HDAC1: variants seen among roughly 807,000 people sequenced by gnomAD.
HDAC1 encodes the protein protein deacetylase HDAC1.
Under a neutral mutation model 65.5 loss-of-function variants are expected in HDAC1, and 18 were observed. That is an observed-to-expected ratio of 0.27 (90% confidence interval 0.19 to 0.41). The LOEUF is 0.41. Among genes scored for constraint, HDAC1 ranks in the 10% least tolerant of loss-of-function variants. The pLI, the probability that HDAC1 is intolerant of heterozygous loss-of-function variation, is 1.00. For synonymous variants in HDAC1, 211 were observed against 227.9 expected (o/e 0.93, Z 0.67); for missense variants, 373 against 625.2 (o/e 0.60, Z 4.30).
At chr1:32,323,378 C>A (rs1454147002) in intron 3 of HDAC1, among the ~76,000 whole-genome samples, 1 of 151,886 alleles carries the variant, frequency 6.6e-6, no homozygotes, top group Non-Finnish European at 1.5e-5. Context: ...CCTCTCTGAA[C>A]CTGTTTCCCT....
intron 2 of HDAC1, among the ~76,000 whole-genome samples, chr1:32,312,596 A>T (rs1213790564): frequency 1.3e-5 from 2 of 152,078 alleles, no homozygotes; most frequent in Non-Finnish European, 2.9e-5. Context: ...CCTGACTTCA[A>T]GTGATCTGCC....
At chr1:32,321,089 G>A (rs1641136351) in intron 3 of HDAC1, among the ~76,000 whole-genome samples, 3 of 147,914 alleles carry the variant, frequency 2.0e-5, no homozygotes, top group Admixed American at 2.0e-4. Flanking sequence ...AAATTAGCCG[G>A]GTGTGGTGGT....
intron 1 of HDAC1, among the ~76,000 whole-genome samples, chr1:32,298,617 A>G (rs954402873): frequency 1.3e-5 from 2 of 152,248 alleles, no homozygotes; most frequent in African/African-American, 4.8e-5. Flanking sequence ...ATATCAGGCA[A>G]GTCACCTTAC....
Position 32,329,205 on chromosome 1 carries a change from T to C in HDAC1, c.729+45T>C, listed in dbSNP as rs754917273. 6.7e-6 allele frequency: 8 copies of C among 1,201,472 alleles called. No homozygotes were observed. The highest frequency in any genetic ancestry group is 2.3e-5 in the East Asian group (1 of 43,078). 74.4% of individuals were successfully genotyped at this position (1,201,472 alleles called of 1,614,324 possible). On this transcript the variant is annotated intron_variant, in intron 7 of 13. Transcript: ENST00000373548. The surrounding 1 kb of genome is among the most constrained non-coding windows in gnomAD (Gnocchi z 4.1). ...CCTTGGGCTACAAACAGGGGATTGG[T>C]TGGCGGTGGAGGGGAGCAAAGCACC...
intron 2 of HDAC1, among the ~76,000 whole-genome samples, chr1:32,313,166 G>A (rs1435419327): frequency 1.3e-5 from 2 of 151,794 alleles, no homozygotes; most frequent in Non-Finnish European, 2.9e-5. Flanking sequence ...CATGATCTCA[G>A]CTCAATGCAG....
intron 1 of HDAC1, among the ~76,000 whole-genome samples, chr1:32,300,151 A>G (rs963361533): frequency 6.6e-6 from 1 of 152,186 alleles, no homozygotes; most frequent in African/African-American, 2.4e-5. Flanking sequence ...TAGCTGTGTG[A>G]TCTTGAGCAG....
At chr1:32,305,599 TG>T (rs1344765196) in intron 2 of HDAC1, among the ~76,000 whole-genome samples, 2 of 151,730 alleles carry the variant, frequency 1.3e-5, no homozygotes, top group Non-Finnish European at 2.9e-5. Flanking sequence ...ATTTTCCCAT[TG>T]GTTGTCTTTT....
At chr1:32,293,105 G>T (rs1011594391) in intron 1 of HDAC1, among the ~76,000 whole-genome samples, 2 of 152,266 alleles carry the variant, frequency 1.3e-5, no homozygotes, top group Non-Finnish European at 2.9e-5. Flanking sequence ...TGGATCACCT[G>T]AGGTCAGGAG....
intron 3 of HDAC1, among the ~76,000 whole-genome samples, chr1:32,324,214 A>G (rs971756294): frequency 1.1e-4 from 17 of 152,108 alleles, no homozygotes; most frequent in African/African-American, 4.1e-4. Flanking sequence ...GTGAGGGTCA[A>G]AGCTGCTGCA....
Position 32,330,380 on chromosome 1 carries a change from A to G in HDAC1, c.730-198A>G. The G allele has an allele frequency of 1.7e-6, 1 of 572,118 alleles. No individual in the cohort carries two copies. Among genetic ancestry groups the G allele is most frequent in the Admixed American group, 3.0e-5 (1 of 33,184 alleles). The allele number at this position is 572,118 out of a possible 1,614,324, so 35.4% of individuals were successfully genotyped here. On this transcript the variant is annotated intron_variant, in intron 7 of 13. Transcript: ENST00000373548. This position sits in a 1 kb window ranked among gnomAD's most constrained non-coding sequence, Gnocchi z 4.2. Reference sequence around the variant, plus strand: ...TACTAGAGTGTTAGAAGGGTCTTAGAGAACTTTTTAAATTGGAAAATTGAA... The same window carrying G: ...TACTAGAGTGTTAGAAGGGTCTTAGGGAACTTTTTAAATTGGAAAATTGAA...
rs1557612368 is a variant in HDAC1 at position 32,329,213 on chromosome 1, G to A, written c.729+53G>A. The A allele has an allele frequency of 9.2e-7, 1 of 1,081,104 alleles. No individual in the cohort carries two copies. Among genetic ancestry groups the A allele is most frequent in the Non-Finnish European group, 1.4e-6 (1 of 693,434 alleles). The allele number at this position is 1,081,104 out of a possible 1,614,324, so 67.0% of individuals were successfully genotyped here. On this transcript the variant is annotated intron_variant, in intron 7 of 13. Transcript: ENST00000373548. The surrounding 1 kb of genome is among the most constrained non-coding windows in gnomAD (Gnocchi z 4.1). ...TACAAACAGGGGATTGGTTGGCGGTGGAGGGGAGCAAAGCACCCCCACCAT... is the reference window on the plus strand; with the variant it reads ...TACAAACAGGGGATTGGTTGGCGGTAGAGGGGAGCAAAGCACCCCCACCAT...
At chr1:32,301,597 C>T (rs1364519540) in intron 1 of HDAC1, among the ~76,000 whole-genome samples, 1 of 152,010 alleles carries the variant, frequency 6.6e-6, no homozygotes, top group African/African-American at 2.4e-5. Flanking sequence ...AGGTGAAACC[C>T]CTTCTCTACT....
chr1:32,326,246 C>T (rs910846524), intron 4 of HDAC1, among the ~76,000 whole-genome samples: 22 of 151,602 alleles, frequency 1.5e-4, no homozygotes, highest in Non-Finnish European at 2.7e-4. Context: ...CTGCAACCTC[C>T]GCCTCCTGGG....
At chr1:32,302,412 G>A (rs1557600878) in intron 1 of HDAC1, among the ~76,000 whole-genome samples, 1 of 151,176 alleles carries the variant, frequency 6.6e-6, no homozygotes. Context: ...AAGTGAGCTA[G>A]ACTGAACCTT....
chr1:32,324,299 T>A (rs1216386302), intron 3 of HDAC1, among the ~76,000 whole-genome samples, 180 bp from the exon 4 acceptor site: 1 of 151,894 alleles, frequency 6.6e-6, no homozygotes, highest in South Asian at 2.1e-4. Context: ...AATAAAAAAA[T>A]AATAATGGGC....
chr1:32,325,551 T>A (rs1228364927), intron 4 of HDAC1, among the ~76,000 whole-genome samples: 2 of 152,252 alleles, frequency 1.3e-5, no homozygotes, highest in Admixed American at 1.3e-4. Context: ...GTGGGTTATA[T>A]ACATATCACA....
intron 2 of HDAC1, among the ~76,000 whole-genome samples, chr1:32,305,666 A>G (rs1043033635): frequency 5.0e-5 from 7 of 139,814 alleles, no homozygotes; most frequent in Non-Finnish European, 1.1e-4. Flanking sequence ...GCTGCAGTGC[A>G]CTGGTGCGAT....
In HDAC1 at chr1:32,321,873, C is replaced by T. The variant is rs538602573; in HGVS notation, c.281-2606C>T. Among the ~76,000 whole-genome samples the T allele has an allele frequency of 2.0e-5, 3 of 152,150 alleles. No homozygotes were observed. The South Asian group carries it at 6.2e-4, about 32-fold the overall frequency. ...GTGGCCAGAGAGGGAAATCAGTTGC[C>T]AATGGATAAACAGCCGGGGCCCAGG... On this transcript the variant is annotated intron_variant, in intron 3 of 13. Transcript: ENST00000373548.
At chr1:32,295,083 C>A (rs942862790) in intron 1 of HDAC1, among the ~76,000 whole-genome samples, 1 of 152,078 alleles carries the variant, frequency 6.6e-6, no homozygotes, top group African/African-American at 2.4e-5. Flanking sequence ...TGGTAGTCAT[C>A]AGTATCTTAG....
Sources: allele counts gnomAD v4.1 joint callset (sites outside exome capture counted in the v4.1 genomes callset), GRCh38; gene constraint gnomAD v4.1.1; non-coding constraint Gnocchi (gnomAD v3.1); transcripts MANE v1.5; gene names NCBI Gene and HGNC (gene_info 2026-07-23, HGNC 2026-07-21).